The following HMCN1 variants were observed in gnomAD, a reference collection of about 807,000 sequenced individuals.
HMCN1 encodes the protein hemicentin-1.
A neutral mutation model predicts 625.9 loss-of-function variants in HMCN1; 321 were observed. That is an observed-to-expected ratio of 0.51 (90% CI 0.47 to 0.56). The LOEUF is 0.56. HMCN1 is among the 20% of genes least tolerant of loss of function. The pLI, the probability that HMCN1 is intolerant of heterozygous loss-of-function variation, is 0.00. For missense variants in HMCN1, 6,588 were observed against 6,887.3 expected (o/e 0.96, Z 1.54); for synonymous variants, 2,425 against 2,417.6 (o/e 1.00, Z -0.09).
intron 22 of HMCN1, among the ~76,000 whole-genome samples, chr1:185,992,395 G>C (rs1170645773): frequency 2.0e-5 from 3 of 152,072 alleles, no homozygotes; most frequent in Non-Finnish European, 4.4e-5. Context: ...TTCACATTTT[G>C]GACTTCAATC....
intron 1 of HMCN1, among the ~76,000 whole-genome samples, chr1:185,742,168 G>A (rs75763834): frequency 9.9e-5 from 15 of 152,136 alleles, no homozygotes; most frequent in Admixed American, 3.3e-4. Flanking sequence ...TTGCTCGACC[G>A]TCTGTTTCTC....
At chr1:186,028,725 A>ATTTT (rs11415987) in intron 36 of HMCN1, among the ~76,000 whole-genome samples, 5 of 137,758 alleles carry the variant, frequency 3.6e-5, no homozygotes, top group African/African-American at 8.1e-5. Flanking sequence ...TCTAAAGCAT[A>ATTTT]TTTTTTTTTT....
rs966797346 is a variant in HMCN1 at position 185,823,453 on chromosome 1, G to A, written c.269-22573G>A. On this transcript the variant is annotated intron_variant, in intron 1 of 106. Coordinates refer to ENST00000271588, the MANE Select transcript of HMCN1 (RefSeq NM_031935.3). Reference sequence around the variant, plus strand: ...AAAGTGTAAATAATGTTAATTTCATGGTAATAAATACTGACAGATTTTTTT... The same window carrying A: ...AAAGTGTAAATAATGTTAATTTCATAGTAATAAATACTGACAGATTTTTTT... Among the ~76,000 whole-genome samples the A allele has an allele frequency of 2.0e-5, 3 of 152,240 alleles. No individual in the cohort carries two copies. In the South Asian group the frequency reaches 6.2e-4, roughly 32 times the overall value.
chr1:186,007,399 C>G, intron 30 of HMCN1, 117 bp downstream of exon 30: 1 of 916,348 alleles, frequency 1.1e-6, no homozygotes, highest in South Asian at 1.5e-5. Flanking sequence ...CTACATACTT[C>G]AAGAGAAGAA....
rs544514151 is a variant in HMCN1, at chr1:186,163,687, A to G, written c.15257-1424A>G. ...ATGAAAAATGCTTAATATACGGCAG[A>G]CACATTCAAAGCTTAGATAATTATA... On this transcript the variant is annotated intron_variant, in intron 97 of 106. Transcript: ENST00000271588. Among the ~76,000 whole-genome samples, 4 of 152,366 alleles carry G rather than the reference A, an allele frequency of 2.6e-5. No individual in the cohort carries two copies. The South Asian group carries it at 8.3e-4, about 32-fold the overall frequency.
intron 97 of HMCN1, among the ~76,000 whole-genome samples, chr1:186,156,271 C>G (rs1651013007): frequency 6.6e-6 from 1 of 151,914 alleles, no homozygotes; most frequent in Non-Finnish European, 1.5e-5. Context: ...GTAAAATATG[C>G]ACCAAGAAAA....
At chr1:186,176,168 T>C (rs1200602245) in intron 103 of HMCN1, among the ~76,000 whole-genome samples, 1 of 152,170 alleles carries the variant, frequency 6.6e-6, no homozygotes, top group Non-Finnish European at 1.5e-5. Flanking sequence ...TTTTAAAATT[T>C]TATGTGTTTG....
intron 1 of HMCN1, among the ~76,000 whole-genome samples, chr1:185,759,570 A>T (rs1460926032): frequency 2.6e-5 from 4 of 152,192 alleles, no homozygotes. Flanking sequence ...CTATGTGCTT[A>T]TTGCAAATGC....
At chr1:186,151,101 A>T in intron 93 of HMCN1, 99 bp from the exon 94 acceptor site, 1 of 1,196,626 alleles carries the variant, frequency 8.4e-7, no homozygotes, top group Admixed American at 1.9e-5. Context: ...ATGTTTGAGA[A>T]AAGATTTGTA....
At chr1:185,922,805 A>C (rs954358295) in intron 7 of HMCN1, among the ~76,000 whole-genome samples, 9 of 152,316 alleles carry the variant, frequency 5.9e-5, no homozygotes, top group African/African-American at 2.2e-4. Context: ...GTTTATTCTT[A>C]CACTTACTAA....
At chr1:185,795,204 A>G (rs1227628342) in intron 1 of HMCN1, among the ~76,000 whole-genome samples, 3 of 152,206 alleles carry the variant, frequency 2.0e-5, no homozygotes, top group Non-Finnish European at 4.4e-5. Flanking sequence ...TCCCATAGTA[A>G]TTGGCCACTA....
At chr1:186,116,039 T>C (rs1185794935) in intron 75 of HMCN1, among the ~76,000 whole-genome samples, 2 of 152,124 alleles carry the variant, frequency 1.3e-5, no homozygotes, top group Non-Finnish European at 2.9e-5. Flanking sequence ...GCGCTAAAAA[T>C]AAATGCTCTC....
intron 4 of HMCN1, among the ~76,000 whole-genome samples, chr1:185,876,548 TTTCTC>T (rs1176287762): frequency 6.6e-6 from 1 of 152,140 alleles, no homozygotes; most frequent in Non-Finnish European, 1.5e-5. Flanking sequence ...AGCGTTCTCT[TTTCTC>T]TTCATCTTTG....
chr1:186,116,848 G>T, intron 75 of HMCN1, 146 bp from the exon 76 acceptor site: 1 of 795,250 alleles, frequency 1.3e-6, no homozygotes, highest in Non-Finnish European at 2.1e-6. Flanking sequence ...AATGCATAAA[G>T]TTGGCCTCAG....
At chr1:185,995,150 C>A in intron 24 of HMCN1, 63 bp downstream of exon 24, 1 of 1,421,254 alleles carries the variant, frequency 7.0e-7, no homozygotes, top group Admixed American at 1.7e-5. Flanking sequence ...AGCCCTAGAG[C>A]TAAATAGATT....
intron 55 of HMCN1, among the ~76,000 whole-genome samples, chr1:186,079,402 T>C (rs536280738): frequency 1.3e-5 from 2 of 152,310 alleles, no homozygotes; most frequent in East Asian, 3.9e-4. Flanking sequence ...GCAAGCCATG[T>C]CAAGCCATGC....
intron 89 of HMCN1, 148 bp downstream of exon 89, chr1:186,138,120 C>A: frequency 2.1e-6 from 2 of 936,314 alleles, no homozygotes; most frequent in Admixed American, 2.0e-5. Flanking sequence ...ATTCTTAGTT[C>A]TCTTTCATGG....
rs1029889160 is a variant in HMCN1 at position 186,045,650 on chromosome 1, C to T, written c.6305-38C>T. 2.0e-6 allele frequency: 3 copies of T among 1,494,272 alleles called. No individual in the cohort carries two copies. The African/African-American group carries it at 4.1e-5, about 21-fold the overall frequency. The allele number at this position is 1,494,272 out of a possible 1,614,324, so 92.6% of individuals were successfully genotyped here. On this transcript the variant is annotated intron_variant, in intron 40 of 106. Transcript: ENST00000271588. Reference sequence around the variant, plus strand: ...TTGATGAATGTAAACAGTGTGCTGGCCTGTTTTATCCTGAAAGAAAACCCA... The same window carrying T: ...TTGATGAATGTAAACAGTGTGCTGGTCTGTTTTATCCTGAAAGAAAACCCA...
intron 1 of HMCN1, among the ~76,000 whole-genome samples, chr1:185,843,455 T>TCAGG (rs1427581932): frequency 6.6e-6 from 1 of 152,168 alleles, no homozygotes; most frequent in Non-Finnish European, 1.5e-5. Flanking sequence ...GAGACCATGT[T>TCAGG]CAGGCAGGAA....
Sources: allele counts gnomAD v4.1 joint callset (sites outside exome capture counted in the v4.1 genomes callset), GRCh38; gene constraint gnomAD v4.1.1; transcripts MANE v1.5; gene names NCBI Gene and HGNC (gene_info 2026-07-23, HGNC 2026-07-21).